GRM8: variants seen among roughly 807,000 people sequenced by gnomAD.
The protein encoded by GRM8 is glutamate metabotropic receptor 8.
GRM8 carries 47 observed loss-of-function variants against 87.2 expected under a neutral mutation model. The observed-to-expected ratio is 0.54, with a 90% CI of 0.43 to 0.69. The LOEUF (loss-of-function observed/expected upper bound fraction) is 0.69. GRM8 is among the 30% of genes least tolerant of loss of function. The pLI is 0.00. For synonymous variants in GRM8, 396 were observed against 404.5 expected, an observed-to-expected ratio of 0.98 and a Z score of 0.25; for missense variants, 1,019 against 1,139.2, an observed-to-expected ratio of 0.89 and a Z score of 1.52.
At chr7:126,694,232 A>G (rs986568896) in intron 7 of GRM8, among the ~76,000 whole-genome samples, 7 of 152,160 alleles carry the variant, frequency 4.6e-5, no homozygotes, top group Admixed American at 3.9e-4. Flanking sequence ...CAGATTAGAC[A>G]TGCACCATCT....
At chr7:126,658,839 T>C (rs1221173903) in intron 7 of GRM8, among the ~76,000 whole-genome samples, 1 of 151,882 alleles carries the variant, frequency 6.6e-6, no homozygotes, top group Non-Finnish European at 1.5e-5. Context: ...TGAAAAAACG[T>C]ACACAGACAC....
chr7:127,109,333 AAAG>A (rs1025411118), intron 2 of GRM8, among the ~76,000 whole-genome samples: 2 of 152,210 alleles, frequency 1.3e-5, no homozygotes, highest in Non-Finnish European at 2.9e-5. Flanking sequence ...TTTAAAAAAA[AAAG>A]TAGTGTCTTT....
chr7:126,887,539 T>C (rs1363377449), intron 6 of GRM8, among the ~76,000 whole-genome samples: 4 of 152,106 alleles, frequency 2.6e-5, no homozygotes. Flanking sequence ...TCTTACTCTC[T>C]GCTTATTTAT....
rs144191578 is a variant in GRM8 at position 126,591,733 on chromosome 7, A to T, written c.1494+17629T>A. On this transcript the variant is annotated intron_variant, in intron 8 of 10. Transcript: ENST00000339582. ...TACCTTAAGGAACTAGAAAAATAAG[A>T]ACAAACTAAGCTCAAAGTTAGTAGA... Among the ~76,000 whole-genome samples, 1,134 of 151,934 alleles carry T rather than the reference A, an allele frequency of 7.5e-3. 15 individuals are homozygous for T. Among genetic ancestry groups the T allele is most frequent in the African/African-American group, 0.025 (1,053 of 41,508 alleles).
chr7:127,105,704 A>C (rs1270439428), intron 3 of GRM8, among the ~76,000 whole-genome samples: 1 of 152,248 alleles, frequency 6.6e-6, no homozygotes, highest in African/African-American at 2.4e-5. Context: ...ATTCATTCTT[A>C]ATAAGAATAA....
intron 2 of GRM8, among the ~76,000 whole-genome samples, chr7:127,154,889 T>C (rs1438439462): frequency 2.6e-5 from 4 of 152,192 alleles, no homozygotes; most frequent in African/African-American, 9.7e-5. Flanking sequence ...AAGGTTCATA[T>C]TGATTTAAAG....
At chr7:126,832,800 C>T (rs1032331910) in intron 6 of GRM8, among the ~76,000 whole-genome samples, 2 of 152,106 alleles carry the variant, frequency 1.3e-5, no homozygotes, top group Non-Finnish European at 2.9e-5. Flanking sequence ...TGCAGTTATT[C>T]CCTGGCTAAT....
chr7:126,716,358 G>T (rs1310634552), intron 7 of GRM8, among the ~76,000 whole-genome samples: 1 of 150,800 alleles, frequency 6.6e-6, no homozygotes, highest in African/African-American at 2.4e-5. Context: ...AGCCAGAGAA[G>T]TATATTTGAC....
At chr7:126,878,885 G>A (rs1016319185) in intron 6 of GRM8, among the ~76,000 whole-genome samples, 5 of 151,614 alleles carry the variant, frequency 3.3e-5, no homozygotes, top group Middle Eastern at 3.2e-3. Context: ...TGATGAGGCC[G>A]GGCACGGTGG....
intron 3 of GRM8, among the ~76,000 whole-genome samples, chr7:127,020,118 T>A (rs1816109071): frequency 6.6e-6 from 1 of 152,128 alleles, no homozygotes; most frequent in Non-Finnish European, 1.5e-5. Context: ...AATGTGGCAA[T>A]TGTGCCTATT....
intron 7 of GRM8, among the ~76,000 whole-genome samples, chr7:126,716,132 G>T (rs1402910672): frequency 6.6e-6 from 1 of 152,040 alleles, no homozygotes; most frequent in Non-Finnish European, 1.5e-5. Flanking sequence ...GAATTAAGAA[G>T]CATTTAAATT....
chr7:126,449,847 C>G (rs1213997828), intron 9 of GRM8, among the ~76,000 whole-genome samples: 1 of 151,754 alleles, frequency 6.6e-6, no homozygotes, highest in Non-Finnish European at 1.5e-5. Flanking sequence ...CTTACGTGCT[C>G]CCTCCTGGCC....
chr7:126,628,180 T>C (rs550226892), intron 7 of GRM8, among the ~76,000 whole-genome samples: 46 of 152,296 alleles, frequency 3.0e-4, no homozygotes, highest in Admixed American at 2.9e-3. Context: ...CCTGAGTAGC[T>C]GGGATTACAG....
chr7:127,187,875 TG>T (rs1794821001), intron 2 of GRM8, among the ~76,000 whole-genome samples: 1 of 152,226 alleles, frequency 6.6e-6, no homozygotes. Context: ...TCTGTAAAAA[TG>T]ATACTACAAT....
chr7:126,711,873 C>G (rs1490655695), intron 7 of GRM8, among the ~76,000 whole-genome samples: 2 of 152,206 alleles, frequency 1.3e-5, no homozygotes, highest in Non-Finnish European at 2.9e-5. Flanking sequence ...TTGAAGAGAG[C>G]AGGGCTTCGC....
At chr7:126,724,010 T>A (rs142904716) in intron 7 of GRM8, among the ~76,000 whole-genome samples, 1 of 152,172 alleles carries the variant, frequency 6.6e-6, no homozygotes, top group Non-Finnish European at 1.5e-5. Context: ...AACATTTACA[T>A]AGAGGGCATA....
At chr7:127,146,024 G>C (rs1264609228) in intron 2 of GRM8, among the ~76,000 whole-genome samples, 1 of 151,994 alleles carries the variant, frequency 6.6e-6, no homozygotes, top group Non-Finnish European at 1.5e-5. Context: ...TGGTGGTAGA[G>C]GATGCTCTGG....
chr7:127,160,906 G>A (rs1793069585), intron 2 of GRM8, among the ~76,000 whole-genome samples: 1 of 151,458 alleles, frequency 6.6e-6, no homozygotes, highest in African/African-American at 2.4e-5. Context: ...CCAGGAAACA[G>A]AAAAGTGGAT....
chr7:126,698,786 G>C (rs1281443672), intron 7 of GRM8, among the ~76,000 whole-genome samples: 1 of 152,052 alleles, frequency 6.6e-6, no homozygotes, highest in Non-Finnish European at 1.5e-5. Context: ...GAGCTTGTTG[G>C]GGTGCCTGGA....
Sources: gnomAD v4.1 joint callset for allele counts (sites outside exome capture counted in the v4.1 genomes callset) on GRCh38, gnomAD v4.1.1 for gene constraint, MANE v1.5 for transcripts, NCBI Gene and HGNC (gene_info 2026-07-23, HGNC 2026-07-21) for gene names.